The following BOLL variants were observed in gnomAD, a reference collection of about 807,000 sequenced individuals.
The protein encoded by BOLL is boule RNA binding protein.
BOLL carries 23 observed loss-of-function variants against 44.4 expected under a neutral mutation model. That is an observed-to-expected ratio of 0.52 (90% CI 0.37 to 0.73). The LOEUF is 0.73. Among genes scored for constraint, BOLL ranks in the 30% least tolerant of loss-of-function variants. BOLL has a pLI of 0.00. For synonymous variants in BOLL, 97 were observed against 110.8 expected (o/e 0.88, Z 0.78); for missense variants, 287 against 338.3 (o/e 0.85, Z 1.19).
chr2:197,741,657 T>C (rs1292219940), intron 10 of BOLL, among the ~76,000 whole-genome samples: 1 of 151,848 alleles, frequency 6.6e-6, no homozygotes, highest in African/African-American at 2.4e-5. Context: ...ATACAAAAAT[T>C]AATTCAAGAT....
rs1169202640 is a variant in BOLL, at chr2:197,785,088, T to C, written c.-48A>G. On this transcript the variant is annotated 5_prime_UTR_variant, in exon 1 of 11. Transcript: ENST00000392296. This position sits in a 1 kb window ranked among gnomAD's most constrained non-coding sequence, Gnocchi z 6.7. ...GTCACTGCCTCGGCGCTCCTCCCCC[T>C]CCAAGGCCAGCAAGTTGCGGCACTG... is the stretch of plus-strand genomic sequence containing the variant. 1.7e-5 allele frequency: 17 copies of C among 985,696 alleles called. No individual in the cohort carries two copies. Among genetic ancestry groups the C allele is most frequent in the Non-Finnish European group, 1.8e-5 (15 of 829,898 alleles). 61.1% of individuals were successfully genotyped at this position (985,696 alleles called of 1,614,324 possible).
chr2:197,751,851 A>G (rs1314354256), intron 9 of BOLL, among the ~76,000 whole-genome samples: 1 of 151,934 alleles, frequency 6.6e-6, no homozygotes, highest in Non-Finnish European at 1.5e-5. Flanking sequence ...AAAAAAAAAA[A>G]GAAAATTTCA....
At chr2:197,776,218 TG>T (rs1344815803) in intron 4 of BOLL, among the ~76,000 whole-genome samples, 1 of 151,892 alleles carries the variant, frequency 6.6e-6, no homozygotes, top group Non-Finnish European at 1.5e-5. Flanking sequence ...GTTGGTGATT[TG>T]GCTATTTAAA....
At chr2:197,758,223 A>G (rs1305110324) in intron 7 of BOLL, among the ~76,000 whole-genome samples, 3 of 152,256 alleles carry the variant, frequency 2.0e-5, no homozygotes, top group Non-Finnish European at 2.9e-5. Flanking sequence ...AGTATCATTT[A>G]TAACAGTCAA....
chr2:197,749,454 T>C (rs2106337334), intron 9 of BOLL, among the ~76,000 whole-genome samples: 1 of 152,174 alleles, frequency 6.6e-6, no homozygotes, highest in East Asian at 1.9e-4. Context: ...AAGGCGCATG[T>C]TCTAACCCAG....
chr2:197,785,013 C>A lies in BOLL; in HGVS notation c.-16+43G>T. The A allele has an allele frequency of 2.0e-6, 2 of 986,034 alleles. No individual in the cohort carries two copies. Among genetic ancestry groups the A allele is most frequent in the Non-Finnish European group, 2.4e-6 (2 of 829,964 alleles). 61.1% of individuals were successfully genotyped at this position (986,034 alleles called of 1,614,324 possible). On this transcript the variant is annotated intron_variant, in intron 1 of 10. Coordinates refer to ENST00000392296, the MANE Select transcript of BOLL (RefSeq NM_033030.6). The surrounding 1 kb of genome is among the most constrained non-coding windows in gnomAD (Gnocchi z 6.7). ...CTTGAGAATCAACCTCGAGATCTAGCATCTATTTTGCAAACGAAGACAGCA... is the reference window on the plus strand; with the variant it reads ...CTTGAGAATCAACCTCGAGATCTAGAATCTATTTTGCAAACGAAGACAGCA...
intron 2 of BOLL, 91 bp downstream of exon 2, chr2:197,781,631 A>G (rs1267203652): frequency 8.3e-7 from 1 of 1,206,072 alleles, no homozygotes; most frequent in East Asian, 2.4e-5. Context: ...TTATGCAAAT[A>G]TGTTATTTTA....
At chr2:197,770,880 G>A (rs1377516152) in intron 6 of BOLL, among the ~76,000 whole-genome samples, 4 of 151,978 alleles carry the variant, frequency 2.6e-5, no homozygotes, top group African/African-American at 7.2e-5. Context: ...AGAAATAGGA[G>A]CACTTTTACA....
chr2:197,734,806 T>C (rs1687403739), intron 10 of BOLL, among the ~76,000 whole-genome samples: 1 of 152,072 alleles, frequency 6.6e-6, no homozygotes, highest in South Asian at 2.1e-4. Context: ...GAGGGGACTG[T>C]TGCGGGTGGA....
chr2:197,748,800 G>A (rs2106336128), intron 9 of BOLL, among the ~76,000 whole-genome samples: 1 of 152,340 alleles, frequency 6.6e-6, no homozygotes, highest in South Asian at 2.1e-4. Context: ...GGGCAGCTGT[G>A]GGTGCAGCTT....
In BOLL at chr2:197,785,018, A is replaced by G. The variant is rs1047535597; in HGVS notation, c.-16+38T>C. ...GAATCAACCTCGAGATCTAGCATCT[A>G]TTTTGCAAACGAAGACAGCAGGAAC... On this transcript the variant is annotated intron_variant, in intron 1 of 10. Coordinates refer to ENST00000392296, the MANE Select transcript of BOLL (RefSeq NM_033030.6). This position sits in a 1 kb window ranked among gnomAD's most constrained non-coding sequence, Gnocchi z 6.7. The G allele has an allele frequency of 1.0e-6, 1 of 985,806 alleles. No individual in the cohort carries two copies. The highest frequency in any genetic ancestry group is 1.2e-6 in the Non-Finnish European group (1 of 829,956). 61.1% of individuals were successfully genotyped at this position (985,806 alleles called of 1,614,324 possible). A position where few individuals can be genotyped will look rare whatever the true frequency, so the allele number is the denominator to read the frequency against.
At chr2:197,742,333 C>T (rs552189349) in intron 10 of BOLL, among the ~76,000 whole-genome samples, 166 of 152,144 alleles carry the variant, frequency 1.1e-3, no homozygotes, top group Non-Finnish European at 1.9e-3. Context: ...CAAAGGACTA[C>T]AAATCATGCT....
intron 6 of BOLL, among the ~76,000 whole-genome samples, chr2:197,767,576 C>A (rs1204859247): frequency 6.6e-6 from 1 of 151,904 alleles, no homozygotes; most frequent in Non-Finnish European, 1.5e-5. Flanking sequence ...TAGAAAATGG[C>A]TTCCTTAATT....
In BOLL at chr2:197,727,224, T is replaced by A. The variant is rs1686890121; in HGVS notation, c.*1331A>T. The A allele has an allele frequency of 6.6e-6, 1 of 152,342 alleles. No homozygotes were observed. The highest frequency in any genetic ancestry group is 1.5e-5 in the Non-Finnish European group (1 of 68,036). 9.4% of individuals were successfully genotyped at this position (152,342 alleles called of 1,614,324 possible). A position where few individuals can be genotyped will look rare whatever the true frequency, so the allele number is the denominator to read the frequency against. ...ACAGTTTCAAAAGAAAACACCCTATTTGACTCACCAGAAAAACCTTTGTGA... is the reference window on the plus strand; with the variant it reads ...ACAGTTTCAAAAGAAAACACCCTATATGACTCACCAGAAAAACCTTTGTGA... On this transcript the variant is annotated 3_prime_UTR_variant, in exon 11 of 11. Transcript: ENST00000392296.
intron 9 of BOLL, among the ~76,000 whole-genome samples, chr2:197,744,767 T>G (rs1687913097): frequency 6.6e-6 from 1 of 152,144 alleles, no homozygotes; most frequent in Admixed American, 6.5e-5. Flanking sequence ...TGCAAAATAG[T>G]TTTTCCTGAT....
chr2:197,738,172 C>T (rs539858676), intron 10 of BOLL, among the ~76,000 whole-genome samples: 3 of 152,206 alleles, frequency 2.0e-5, no homozygotes, highest in Non-Finnish European at 4.4e-5. Context: ...TTTGTTCCTT[C>T]CTAGTCTAGT....
Position 197,785,175 on chromosome 2 carries a change from C to T in BOLL, c.-135G>A, listed in dbSNP as rs749514355. On this transcript the variant is annotated 5_prime_UTR_variant, in exon 1 of 11. Transcript: ENST00000392296. This position sits in a 1 kb window ranked among gnomAD's most constrained non-coding sequence, Gnocchi z 6.7. ...CTCGGGTCATCGTGAACTTGGGCAC[C>T]GAAACGAGGATCCACCCCCTCCCCA... 2.8e-5 allele frequency: 28 copies of T among 985,906 alleles called. No homozygotes were observed. The highest frequency in any genetic ancestry group is 3.4e-5 in the Non-Finnish European group (28 of 829,922). The allele number at this position is 985,906 out of a possible 1,614,324, so 61.1% of individuals were successfully genotyped here.
intron 10 of BOLL, among the ~76,000 whole-genome samples, chr2:197,732,301 A>G (rs1282102358): frequency 6.6e-6 from 1 of 151,930 alleles, no homozygotes; most frequent in African/African-American, 2.4e-5. Context: ...CAGGAGCTGA[A>G]ATTGTGGCAA....
chr2:197,781,804 A>C lies in BOLL; in HGVS notation c.47T>G (p.Val16Gly), dbSNP rs1360997218. The C allele has an allele frequency of 6.2e-7, 1 of 1,608,488 alleles. No individual in the cohort carries two copies. ...GGCACTTGTTGGGTTATTCAAAGGC[A>C]CAGGTGACACAGGATTAGGGGATGG... The part of the protein sequence containing the change: ...LSPSPNPVSP[V>G]PLNNPTSAPR... Residue 16 changes from valine to glycine, a missense_variant, in exon 2 of 11, where the codon GTG becomes GGG. By Grantham distance (109) the Val-to-Gly change is moderately radical. Coordinates refer to ENST00000392296, the MANE Select transcript of BOLL (RefSeq NM_033030.6).
Sources: allele counts gnomAD v4.1 joint callset (sites outside exome capture counted in the v4.1 genomes callset), GRCh38; gene constraint gnomAD v4.1.1; non-coding constraint Gnocchi (gnomAD v3.1); transcripts MANE v1.5; gene names NCBI Gene and HGNC (gene_info 2026-07-23, HGNC 2026-07-21).